ATP8A2: variants seen among roughly 807,000 people sequenced by gnomAD.
ATP8A2 encodes ATPase phospholipid transporting 8A2, also known as phospholipid-transporting ATPase IB.
A neutral mutation model predicts 165.6 loss-of-function variants in ATP8A2; 100 were observed. The ratio of observed to expected loss-of-function variants is 0.60; its 90% CI spans 0.51 to 0.71. ATP8A2 has a LOEUF of 0.71. Among genes scored for constraint, ATP8A2 ranks in the 30% least tolerant of loss-of-function variants. The pLI, the probability that ATP8A2 is intolerant of heterozygous loss-of-function variation, is 0.00. For synonymous variants in ATP8A2, 543 were observed against 548.8 expected, an observed-to-expected ratio of 0.99 and a Z score of 0.15; for missense variants, 1,227 against 1,479.5, an observed-to-expected ratio of 0.83 and a Z score of 2.80.
intron 25 of ATP8A2, among the ~76,000 whole-genome samples, chr13:25,724,812 C>T (rs1162412334): frequency 6.6e-6 from 1 of 152,080 alleles, no homozygotes; most frequent in African/African-American, 2.4e-5. Context: ...CATCTTGGGC[C>T]CACAAAGGGT....
Position 25,740,139 on chromosome 13 carries a change from C to T in ATP8A2, c.2385-28907C>T, listed in dbSNP as rs528527989. On this transcript the variant is annotated intron_variant, in intron 25 of 36. Transcript: ENST00000381655. ...CCTGGCTAACACGGTGAAACCCCAT[C>T]TCTATTCCAAATACAAAAAATTAGC... Among the ~76,000 whole-genome samples, 14 of 152,138 alleles carry T rather than the reference C, an allele frequency of 9.2e-5. No homozygotes were observed. In the East Asian group the frequency reaches 2.5e-3, roughly 27 times the overall value.
intron 33 of ATP8A2, among the ~76,000 whole-genome samples, chr13:25,948,972 CACTT>C (rs1235748554): frequency 6.6e-6 from 1 of 152,230 alleles, no homozygotes; most frequent in Non-Finnish European, 1.5e-5. Flanking sequence ...TTGCAAGAAA[CACTT>C]GCTGGTCACT....
chr13:25,589,308 G>A (rs1221138980), intron 23 of ATP8A2, among the ~76,000 whole-genome samples: 2 of 152,072 alleles, frequency 1.3e-5, no homozygotes, highest in Non-Finnish European at 2.9e-5. Context: ...GCACCATTGG[G>A]GTCCACTGCC....
intron 29 of ATP8A2, 152 bp from the exon 30 acceptor site, chr13:25,839,394 G>GTTT: frequency 3.0e-5 from 15 of 502,376 alleles, no homozygotes; most frequent in South Asian, 5.1e-5. Flanking sequence ...ATTTGGGTGG[G>GTTT]TTTTTTTTTT....
chr13:25,418,903 G>C (rs1254198759), intron 1 of ATP8A2, among the ~76,000 whole-genome samples: 1 of 152,164 alleles, frequency 6.6e-6, no homozygotes, highest in Non-Finnish European at 1.5e-5. Flanking sequence ...GCTGCTCTGA[G>C]ATTTCTCATC....
intron 25 of ATP8A2, among the ~76,000 whole-genome samples, chr13:25,766,124 C>A (rs2044485628): frequency 6.6e-6 from 1 of 152,162 alleles, no homozygotes; most frequent in Admixed American, 6.5e-5. Context: ...AGAGGAGTTG[C>A]AGATTAAGTG....
At chr13:25,868,468 A>T (rs1389651334) in intron 33 of ATP8A2, among the ~76,000 whole-genome samples, 2 of 152,214 alleles carry the variant, frequency 1.3e-5, no homozygotes, top group Non-Finnish European at 2.9e-5. Context: ...TTGGAATAAC[A>T]TCGTGACATC....
chr13:25,394,626 A>G (rs1166398294), intron 1 of ATP8A2, among the ~76,000 whole-genome samples: 2 of 152,222 alleles, frequency 1.3e-5, no homozygotes, highest in Non-Finnish European at 2.9e-5. Context: ...GAAGGGGACC[A>G]TAATATGTCA....
intron 24 of ATP8A2, among the ~76,000 whole-genome samples, chr13:25,640,409 T>C (rs2041486862): frequency 6.6e-6 from 1 of 152,050 alleles, no homozygotes; most frequent in Non-Finnish European, 1.5e-5. Context: ...CAATAAAAAA[T>C]GATAAAGGGG....
chr13:25,442,714 A>G (rs776913092), intron 1 of ATP8A2, among the ~76,000 whole-genome samples: 3 of 152,122 alleles, frequency 2.0e-5, no homozygotes, highest in Non-Finnish European at 4.4e-5. Flanking sequence ...ATCTCATTGT[A>G]CTTTTGATTT....
intron 24 of ATP8A2, among the ~76,000 whole-genome samples, chr13:25,673,956 GT>G (rs1315161677): frequency 6.6e-6 from 1 of 152,162 alleles, no homozygotes; most frequent in Admixed American, 6.6e-5. Flanking sequence ...TTAAGCTAAT[GT>G]TTTCAACAAG....
At chr13:25,486,859 T>G (rs1442067495) in intron 2 of ATP8A2, among the ~76,000 whole-genome samples, 1 of 152,124 alleles carries the variant, frequency 6.6e-6, no homozygotes, top group Non-Finnish European at 1.5e-5. Flanking sequence ...CCCAGCTACT[T>G]GGGAAGCTGA....
chr13:25,699,098 T>G, intron 24 of ATP8A2, 75 bp from the exon 25 acceptor site: 1 of 1,220,560 alleles, frequency 8.2e-7, no homozygotes. Context: ...TTCAAGAAAC[T>G]TAATTTTGAA....
intron 30 of ATP8A2, among the ~76,000 whole-genome samples, chr13:25,852,053 G>C (rs1038843635): frequency 6.6e-6 from 1 of 151,972 alleles, no homozygotes; most frequent in Non-Finnish European, 1.5e-5. Flanking sequence ...GACTGTATCC[G>C]ACCCCAATGT....
At chr13:25,715,215 G>A (rs1224359903) in intron 25 of ATP8A2, among the ~76,000 whole-genome samples, 3 of 152,052 alleles carry the variant, frequency 2.0e-5, no homozygotes, top group Non-Finnish European at 2.9e-5. Flanking sequence ...AACTGGGGCC[G>A]AATCACCCAG....
At chr13:25,652,055 T>C (rs2137635277) in intron 24 of ATP8A2, among the ~76,000 whole-genome samples, 1 of 152,336 alleles carries the variant, frequency 6.6e-6, no homozygotes, top group Non-Finnish European at 1.5e-5. Flanking sequence ...TTCAAATCTA[T>C]GGTTGAAAAT....
At chr13:25,413,278 G>GTTTTTTT (rs1195456593) in intron 1 of ATP8A2, among the ~76,000 whole-genome samples, 37 of 105,258 alleles carry the variant, frequency 3.5e-4, no homozygotes, top group East Asian at 6.5e-4. Flanking sequence ...CTTTTTCTTT[G>GTTTTTTT]TTTTTTTTTT....
intron 24 of ATP8A2, among the ~76,000 whole-genome samples, chr13:25,603,666 A>G (rs931888758): frequency 1.3e-5 from 2 of 151,704 alleles, no homozygotes; most frequent in Admixed American, 1.3e-4. Context: ...TTCTGGGCAT[A>G]TAGTATTTTG....
intron 28 of ATP8A2, among the ~76,000 whole-genome samples, chr13:25,828,967 A>G (rs1485582123): frequency 6.6e-6 from 1 of 152,170 alleles, no homozygotes; most frequent in Admixed American, 6.5e-5. Flanking sequence ...GGGAATTTAC[A>G]TTCTGAAGCA....
Sources: gnomAD v4.1 joint callset for allele counts (sites outside exome capture counted in the v4.1 genomes callset) on GRCh38, gnomAD v4.1.1 for gene constraint, MANE v1.5 for transcripts, NCBI Gene and HGNC (gene_info 2026-07-23, HGNC 2026-07-21) for gene names.